The following SCIN variants were observed in gnomAD, a reference collection of about 807,000 sequenced individuals.
SCIN encodes the protein adseverin.
SCIN carries 91 observed loss-of-function variants against 91.8 expected under a neutral mutation model. The observed-to-expected ratio is 0.99, with a 90% CI of 0.84 to 1.18. The LOEUF (loss-of-function observed/expected upper bound fraction) is 1.18, where lower values mean the gene tolerates loss of function less well. Ranked by LOEUF, SCIN falls within the 50% of genes most tolerant of loss-of-function variation. The probability of loss-of-function intolerance (pLI) is 0.00; values close to 1 mark genes in which losing one functional copy is unlikely to be tolerated. For missense variants in SCIN, 1,087 were observed against 863.9 expected (o/e 1.26, Z -3.24); for synonymous variants, 367 against 312.6 (o/e 1.17, Z -1.84).
rs1055484567 is a variant in SCIN, at chr7:12,650,384, T to C, written c.1959+840T>C. On this transcript the variant is annotated intron_variant, in intron 14 of 15. Coordinates refer to ENST00000297029, the MANE Select transcript of SCIN (RefSeq NM_001112706.3). ...GTGTATTTAAGAATTAAAGAAGAAT[T>C]ACACTTCCTTATTCAGATATATATT... is the stretch of plus-strand genomic sequence containing the variant. 3.9e-5 allele frequency among the ~76,000 whole-genome samples: 6 copies of C among 152,348 alleles called. No individual in the cohort carries two copies. In the South Asian group the frequency reaches 8.3e-4, roughly 21 times the overall value.
rs35083013 is a variant in SCIN at position 12,636,052 on chromosome 7, G to A, written c.1327G>A (p.Ala443Thr). 19 of 1,611,998 alleles carry A rather than the reference G, an allele frequency of 1.2e-5. No homozygotes were observed. The South Asian group carries it at 1.5e-4, about 13-fold the overall frequency. Reference protein sequence around the residue: ...RGQIIYTWQGANATRDELTTS... With the variant: ...RGQIIYTWQGTNATRDELTTS... ...TCACTTTCATTCCTCTAGGCAAGGA[G>A]CAAATGCCACACGAGATGAGCTGAC... The change falls in exon 10 of 16, where the codon GCA (alanine) becomes ACA (threonine). Residue 443 changes from alanine (A) to threonine (T), a missense_variant. Transcript: ENST00000297029.
At position 12,625,219 on chromosome 7, in the gene SCIN, T is replaced by A. The variant is rs975852436; in HGVS notation, c.892+77T>A. On this transcript the variant is annotated intron_variant, in intron 6 of 15. Transcript: ENST00000297029. ...TATAAGGGTAAATAAAATATATTTT[T>A]TGATTTTAAAAAAAAGCCCACCTTT... is the stretch of plus-strand genomic sequence containing the variant. 8.4e-6 allele frequency: 11 copies of A among 1,305,262 alleles called. No homozygotes were observed. In the African/African-American group the frequency reaches 1.2e-4, roughly 14 times the overall value. The allele number at this position is 1,305,262 out of a possible 1,614,324, so 80.9% of individuals were successfully genotyped here.
At chr7:12,624,933 A>G in intron 5 of SCIN, 77 bp from the exon 6 acceptor site, 2 of 1,428,396 alleles carry the variant, frequency 1.4e-6, no homozygotes, top group Non-Finnish European at 1.9e-6. Flanking sequence ...GAGTTGTACA[A>G]CCATTACCAT....
At chr7:12,594,919 C>T (rs1000541536) in intron 3 of SCIN, among the ~76,000 whole-genome samples, 1 of 152,102 alleles carries the variant, frequency 6.6e-6, no homozygotes, top group South Asian at 2.1e-4. Flanking sequence ...CTCTCTTACT[C>T]ACCCCTCTCA....
chr7:12,640,466 A>T lies in SCIN; in HGVS notation c.1530A>T (p.Thr510=). ...GAGGTCAGGCACCTGCTCCCCCTAC[A>T]CGCCTCTTTCAAGTCCGGAGAAACC... ...KKGGQAPAPP[T]RLFQVRRNLA... is the part of the protein sequence containing the mutation. The change falls in exon 11 of 16, where the codon ACA becomes ACT. Residue 510 remains threonine (T), a synonymous_variant. Coordinates refer to ENST00000297029, the MANE Select transcript of SCIN (RefSeq NM_001112706.3). 2.5e-6 allele frequency: 4 copies of T among 1,613,138 alleles called. No individual in the cohort carries two copies. The highest frequency in any genetic ancestry group is 3.4e-6 in the Non-Finnish European group (4 of 1,179,534).
chr7:12,582,429 A>C (rs1185935136), intron 3 of SCIN, among the ~76,000 whole-genome samples: 1 of 152,192 alleles, frequency 6.6e-6, no homozygotes, highest in Admixed American at 6.6e-5. Context: ...CCAAAGTATA[A>C]ACTGCATCAG....
chr7:12,587,907 G>C (rs1347424139), intron 3 of SCIN, among the ~76,000 whole-genome samples: 2 of 152,066 alleles, frequency 1.3e-5, no homozygotes, highest in Non-Finnish European at 2.9e-5. Flanking sequence ...CAGCCCCTAA[G>C]ACCCACACCG....
intron 14 of SCIN, among the ~76,000 whole-genome samples, chr7:12,650,532 G>T (rs965211655): frequency 2.0e-5 from 3 of 151,924 alleles, no homozygotes; most frequent in Non-Finnish European, 4.4e-5. Flanking sequence ...TGCTTTCATG[G>T]TTTGTTCTGT....
chr7:12,627,082 ATG>A (rs1783541264), intron 8 of SCIN, among the ~76,000 whole-genome samples: 1 of 117,144 alleles, frequency 8.5e-6, no homozygotes, highest in Non-Finnish European at 1.8e-5. Context: ...AGAGTGAGAA[ATG>A]TGTGTATACA....
rs182726268 is a variant in SCIN at position 12,593,293 on chromosome 7, C to T, written c.517-11221C>T. ...TGGTATTTAGCACGATCTCTTTGGGCTTTATCTAATTTATTTTGCTCGTCC... is the reference window on the plus strand; with the variant it reads ...TGGTATTTAGCACGATCTCTTTGGGTTTTATCTAATTTATTTTGCTCGTCC... On this transcript the variant is annotated intron_variant, in intron 3 of 15. Coordinates refer to ENST00000297029, the MANE Select transcript of SCIN (RefSeq NM_001112706.3). Among the ~76,000 whole-genome samples, 810 of 152,174 alleles carry T rather than the reference C, an allele frequency of 5.3e-3. 2 individuals carry two copies. The highest frequency in any genetic ancestry group is 8.4e-3 in the Non-Finnish European group (571 of 68,004).
Position 12,659,521 on chromosome 7 carries a change from G to A in SCIN, c.*6806G>A, listed in dbSNP as rs920537940. 1.3e-5 allele frequency: 2 copies of A among 152,162 alleles called. No homozygotes were observed. The highest frequency in any genetic ancestry group is 1.9e-4 in the East Asian group (1 of 5,190). The allele number at this position is 152,162 out of a possible 1,614,324, so 9.4% of individuals were successfully genotyped here. On this transcript the variant is annotated 3_prime_UTR_variant, in exon 16 of 16. Transcript: ENST00000297029. ...ATGGATATCTAAAGCCACCATGATG[G>A]CTTTATATTAATGAAGGAAATAAGT...
At chr7:12,615,694 A>C (rs999218896) in intron 4 of SCIN, among the ~76,000 whole-genome samples, 1 of 152,022 alleles carries the variant, frequency 6.6e-6, no homozygotes, top group Admixed American at 6.6e-5. Flanking sequence ...AGGGTAATTG[A>C]GGTACACATT....
At chr7:12,635,305 A>C (rs1205813139) in intron 9 of SCIN, among the ~76,000 whole-genome samples, 1 of 151,420 alleles carries the variant, frequency 6.6e-6, no homozygotes, top group African/African-American at 2.4e-5. Context: ...ATGCTCACCA[A>C]ATATTCATAG....
At chr7:12,634,526 T>C (rs1783708699) in intron 9 of SCIN, among the ~76,000 whole-genome samples, 1 of 152,182 alleles carries the variant, frequency 6.6e-6, no homozygotes, top group African/African-American at 2.4e-5. Flanking sequence ...TGCCATTACT[T>C]TTAATAGCAA....
chr7:12,626,255 T>A, intron 7 of SCIN: 1 of 331,130 alleles, frequency 3.0e-6, no homozygotes, highest in Non-Finnish European at 5.5e-6. Flanking sequence ...TCTCTCAGCC[T>A]CATCTACTCT....
intron 9 of SCIN, among the ~76,000 whole-genome samples, chr7:12,634,118 T>C (rs536882969): frequency 6.6e-6 from 1 of 152,266 alleles, no homozygotes; most frequent in South Asian, 2.1e-4. Context: ...CAGGTTATTT[T>C]AATCTGTTCC....
chr7:12,584,980 G>A (rs757408039), intron 3 of SCIN, among the ~76,000 whole-genome samples: 1 of 152,166 alleles, frequency 6.6e-6, no homozygotes, highest in Non-Finnish European at 1.5e-5. Context: ...CCTGTGGTGA[G>A]TTACTGATCC....
chr7:12,584,319 G>A (rs1213820264), intron 3 of SCIN, among the ~76,000 whole-genome samples: 1 of 152,098 alleles, frequency 6.6e-6, no homozygotes, highest in African/African-American at 2.4e-5. Context: ...TTATGACCCA[G>A]GTATGAAAAA....
At chr7:12,582,627 A>C (rs1782510425) in intron 3 of SCIN, among the ~76,000 whole-genome samples, 1 of 152,116 alleles carries the variant, frequency 6.6e-6, no homozygotes, top group Non-Finnish European at 1.5e-5. Flanking sequence ...TCTCACAATA[A>C]ATTTCATGGG....
Sources: allele counts gnomAD v4.1 joint callset (sites outside exome capture counted in the v4.1 genomes callset), GRCh38; gene constraint gnomAD v4.1.1; transcripts MANE v1.5; gene names NCBI Gene and HGNC (gene_info 2026-07-23, HGNC 2026-07-21).